KIAA0825: variants seen among roughly 807,000 people sequenced by gnomAD.
The protein encoded by KIAA0825 is uncharacterized protein KIAA0825.
In KIAA0825, 119 loss-of-function variants were observed where a neutral mutation model predicts 147.6. The observed-to-expected ratio is 0.81, with a 90% CI of 0.69 to 0.94. The LOEUF is 0.94. KIAA0825 is among the 40% of genes least tolerant of loss of function. The probability of loss-of-function intolerance (pLI) is 0.00; values close to 1 mark genes in which losing one functional copy is unlikely to be tolerated. For synonymous variants in KIAA0825, 470 were observed against 518.1 expected, an observed-to-expected ratio of 0.91 and a Z score of 1.26; for missense variants, 1,381 against 1,472.7, an observed-to-expected ratio of 0.94 and a Z score of 1.02.
intron 16 of KIAA0825, among the ~76,000 whole-genome samples, chr5:94,397,504 AT>A (rs1750823574): frequency 6.6e-6 from 1 of 152,188 alleles, no homozygotes; most frequent in Admixed American, 6.5e-5. Context: ...TAATTTTTAA[AT>A]GATTCTCAAG....
chr5:94,440,136 G>C lies in KIAA0825; in HGVS notation c.2358-15C>G. The stretch of plus-strand genomic sequence containing the variant: ...CTGATGGAGTCCTTTCAAAATGCAA[G>C]ATAAAGATGGAGTAATGAAGTTAAT... On this transcript the variant is annotated splice_polypyrimidine_tract_variant and intron_variant, in intron 13 of 20. Coordinates refer to ENST00000682413, the MANE Select transcript of KIAA0825 (RefSeq NM_001145678.3). The C allele has an allele frequency of 6.5e-7, 1 of 1,549,778 alleles. No homozygotes were observed. Among genetic ancestry groups the C allele is most frequent in the Middle Eastern group, 1.7e-4 (1 of 5,974 alleles).
chr5:94,465,134 T>G, intron 10 of KIAA0825, 75 bp from the exon 11 acceptor site: 1 of 1,353,098 alleles, frequency 7.4e-7, no homozygotes. Context: ...TGAACGTAAT[T>G]AGTTCAGGCT....
chr5:94,186,690 G>A (rs1216204998), intron 20 of KIAA0825, among the ~76,000 whole-genome samples: 6 of 152,200 alleles, frequency 3.9e-5, no homozygotes, highest in Admixed American at 3.9e-4. Context: ...GACCAATCAT[G>A]TATACACACG....
chr5:94,260,403 T>C (rs1321091034), intron 20 of KIAA0825, among the ~76,000 whole-genome samples: 2 of 152,202 alleles, frequency 1.3e-5, no homozygotes, highest in African/African-American at 4.8e-5. Context: ...ATTAGCTTTT[T>C]AAGTATGTTC....
At chr5:94,575,891 T>C (rs868169505) in intron 2 of KIAA0825, among the ~76,000 whole-genome samples, 1 of 152,220 alleles carries the variant, frequency 6.6e-6, no homozygotes, top group Non-Finnish European at 1.5e-5. Flanking sequence ...AGGAAGTTTA[T>C]GCAGTAAGGG....
intron 9 of KIAA0825, 76 bp from the exon 10 acceptor site, chr5:94,470,187 A>C (rs373164227): frequency 9.5e-7 from 1 of 1,050,386 alleles, no homozygotes; most frequent in Non-Finnish European, 1.3e-6. Flanking sequence ...CAGTACTACA[A>C]ATGGTTTTGA....
chr5:94,303,762 G>A (rs1177621785), intron 20 of KIAA0825, among the ~76,000 whole-genome samples: 2 of 152,038 alleles, frequency 1.3e-5, no homozygotes, highest in Non-Finnish European at 2.9e-5. Context: ...CAGGGGAAAA[G>A]CTGTGGCAAT....
Position 94,488,208 on chromosome 5 carries a change from G to A in KIAA0825, c.971-3278C>T, listed in dbSNP as rs192917070. Among the ~76,000 whole-genome samples, 515 of 152,206 alleles carry A rather than the reference G, an allele frequency of 3.4e-3. 5 individuals are homozygous for A. The highest frequency in any genetic ancestry group is 0.012 in the African/African-American group (486 of 41,530). On this transcript the variant is annotated intron_variant, in intron 5 of 20. Transcript: ENST00000682413. ...ACAGCGCCCTTCTGAAAACTTTTTG[G>A]ATACAATCAATCCAGGAGTTCTTCT... is the stretch of plus-strand genomic sequence containing the variant.
intron 20 of KIAA0825, among the ~76,000 whole-genome samples, chr5:94,311,263 G>C (rs908882234): frequency 1.3e-5 from 2 of 149,052 alleles, no homozygotes; most frequent in African/African-American, 4.9e-5. Context: ...TGTTGTTGTT[G>C]TTCTTTTTGA....
At chr5:94,327,108 A>G (rs565586717) in intron 20 of KIAA0825, among the ~76,000 whole-genome samples, 1 of 152,314 alleles carries the variant, frequency 6.6e-6, no homozygotes, top group Admixed American at 6.5e-5. Context: ...GGAATACTAC[A>G]TGGGGATTTA....
At chr5:94,334,047 A>G (rs1374170280) in intron 20 of KIAA0825, among the ~76,000 whole-genome samples, 2 of 151,178 alleles carry the variant, frequency 1.3e-5, no homozygotes, top group Non-Finnish European at 2.9e-5. Context: ...TATACATTCA[A>G]TGCTGTTCCC....
intron 2 of KIAA0825, among the ~76,000 whole-genome samples, chr5:94,576,509 T>C (rs571078912): frequency 9.4e-4 from 143 of 152,284 alleles, no homozygotes; most frequent in Non-Finnish European, 1.8e-3. Context: ...CACGTCACCA[T>C]GTGATACCCT....
intron 20 of KIAA0825, among the ~76,000 whole-genome samples, chr5:94,247,288 A>G (rs1966938): frequency 2.0e-5 from 3 of 151,896 alleles, no homozygotes; most frequent in African/African-American, 4.8e-5. Flanking sequence ...CACAGAACAT[A>G]CTACTTTTGA....
intron 2 of KIAA0825, among the ~76,000 whole-genome samples, chr5:94,560,746 A>G (rs1554045977): frequency 6.6e-6 from 1 of 152,210 alleles, no homozygotes; most frequent in Non-Finnish European, 1.5e-5. Flanking sequence ...GTCTGCAACC[A>G]GTGTCGCAGA....
intron 20 of KIAA0825, among the ~76,000 whole-genome samples, chr5:94,207,588 A>G (rs1361033589): frequency 1.3e-5 from 2 of 152,250 alleles, no homozygotes; most frequent in Non-Finnish European, 1.5e-5. Context: ...ATTCTCAAGT[A>G]TCCTGGCAAC....
At chr5:94,317,150 T>TAAA (rs1779733639) in intron 20 of KIAA0825, among the ~76,000 whole-genome samples, 1 of 151,744 alleles carries the variant, frequency 6.6e-6, no homozygotes, top group South Asian at 2.1e-4. Context: ...GTGGTTTCCT[T>TAAA]CCCACCACTG....
intron 20 of KIAA0825, among the ~76,000 whole-genome samples, chr5:94,176,091 G>A (rs964517222): frequency 1.3e-5 from 2 of 152,170 alleles, no homozygotes; most frequent in East Asian, 1.9e-4. Context: ...CAATGTGGCA[G>A]TGTTGGGGGT....
chr5:94,183,819 TCCTTTATAATATCCTTTATAATAAA>T (rs1368474995), intron 20 of KIAA0825, among the ~76,000 whole-genome samples: 1 of 152,212 alleles, frequency 6.6e-6, no homozygotes, highest in Non-Finnish European at 1.5e-5. Flanking sequence ...TGTATTTCTA[TCCTTTATAATATCCTTTATAATAAA>T]CCTTTATAAT....
At chr5:94,512,482 C>G (rs56077798) in intron 5 of KIAA0825, among the ~76,000 whole-genome samples, 11,774 of 151,716 alleles carry the variant, frequency 0.078, 1,535 homozygotes, top group African/African-American at 0.27. Context: ...AGATATGGGT[C>G]CAGGCACAGT....
Sources: gnomAD v4.1 joint callset for allele counts (sites outside exome capture counted in the v4.1 genomes callset) on GRCh38, gnomAD v4.1.1 for gene constraint, MANE v1.5 for transcripts, NCBI Gene and HGNC (gene_info 2026-07-23, HGNC 2026-07-21) for gene names.